The following RAB30 variants were observed in gnomAD, a reference collection of about 807,000 sequenced individuals.
The protein encoded by RAB30 is ras-related protein Rab-30.
Under a neutral mutation model 25.1 loss-of-function variants are expected in RAB30, and 9 were observed. That is an observed-to-expected ratio of 0.36 (90% CI 0.22 to 0.63). RAB30 has a LOEUF of 0.63. RAB30 is among the 20% of genes least tolerant of loss of function. RAB30 has a pLI of 0.69. For synonymous variants in RAB30, 77 were observed against 86.4 expected (o/e 0.89, Z 0.60); for missense variants, 140 against 243.5 (o/e 0.58, Z 2.83).
At chr11:83,063,249 T>C (rs1244139217) in intron 1 of RAB30, among the ~76,000 whole-genome samples, 2 of 152,082 alleles carry the variant, frequency 1.3e-5, no homozygotes, top group African/African-American at 2.4e-5. Flanking sequence ...TTCAGAAAAA[T>C]GAACACTCGG....
chr11:83,023,544 A>C (rs1447881125), intron 1 of RAB30, among the ~76,000 whole-genome samples: 1 of 151,996 alleles, frequency 6.6e-6, no homozygotes, highest in Non-Finnish European at 1.5e-5. Context: ...ACTTCATCCT[A>C]TCTCCCCTGC....
chr11:83,011,503 CTT>C (rs982164401), intron 1 of RAB30, among the ~76,000 whole-genome samples: 2 of 152,250 alleles, frequency 1.3e-5, no homozygotes, highest in Admixed American at 1.3e-4. Flanking sequence ...GTAGATGACT[CTT>C]AGGTCTATTT....
rs916607194 is a variant in RAB30, at chr11:82,976,783, A to T, written c.*5382T>A. The T allele has an allele frequency of 1.3e-5, 2 of 152,236 alleles. No homozygotes were observed. Among genetic ancestry groups the T allele is most frequent in the African/African-American group, 4.8e-5 (2 of 41,462 alleles). The allele number at this position is 152,236 out of a possible 1,614,324, so 9.4% of individuals were successfully genotyped here. ...GCCGTCTATCAGCCTTGCAAGGGTG[A>T]AAGTTATTTTGCAGGTGGAATAATT... On this transcript the variant is annotated 3_prime_UTR_variant, in exon 5 of 5. Coordinates refer to ENST00000527633, the MANE Select transcript of RAB30 (RefSeq NM_001286060.2).
rs200193596 is a variant in RAB30 at position 82,982,221 on chromosome 11, G to A, written c.556C>T (p.Pro186Ser). The change falls in exon 5 of 5, where the codon CCC (proline) becomes TCC (serine). Residue 186 changes from proline to serine, a missense_variant. Coordinates refer to ENST00000527633, the MANE Select transcript of RAB30 (RefSeq NM_001286060.2). ...QNTLVNNVSS[P>S]LPGEGKSISY... ...ATGCTTTTCCCTTCTCCAGGTAAGG[G>A]TGAGGATACATTGTTCACAAGTGTG... 17 of 1,614,112 alleles carry A rather than the reference G, an allele frequency of 1.1e-5. No homozygotes were observed. The African/African-American group carries it at 1.9e-4, about 18-fold the overall frequency.
At chr11:83,063,336 T>C (rs1421686456) in intron 1 of RAB30, among the ~76,000 whole-genome samples, 1 of 152,206 alleles carries the variant, frequency 6.6e-6, no homozygotes, top group Non-Finnish European at 1.5e-5. Context: ...ATGACTGAGA[T>C]GTAGAGGAAG....
chr11:83,048,612 A>C (rs1197720075), intron 1 of RAB30, among the ~76,000 whole-genome samples: 1 of 152,206 alleles, frequency 6.6e-6, no homozygotes, highest in African/African-American at 2.4e-5. Flanking sequence ...GAGGTAGGCA[A>C]ACATTGGCCC....
At chr11:83,050,764 T>C (rs1309548569) in intron 1 of RAB30, among the ~76,000 whole-genome samples, 3 of 152,322 alleles carry the variant, frequency 2.0e-5, no homozygotes, top group African/African-American at 7.2e-5. Context: ...GGAACCTCAT[T>C]TTCTTTTTCT....
chr11:83,026,905 A>G (rs1001717719), intron 1 of RAB30, among the ~76,000 whole-genome samples: 1 of 152,206 alleles, frequency 6.6e-6, no homozygotes, highest in Non-Finnish European at 1.5e-5. Flanking sequence ...TAATTGACTT[A>G]GCATACTCAG....
intron 1 of RAB30, among the ~76,000 whole-genome samples, chr11:83,028,773 T>G (rs189063466): frequency 1.3e-5 from 2 of 152,282 alleles, no homozygotes; most frequent in East Asian, 3.9e-4. Context: ...CCATGCACCG[T>G]TTTATAAGAA....
intron 1 of RAB30, among the ~76,000 whole-genome samples, chr11:83,009,657 AG>A (rs1193473668): frequency 6.6e-6 from 1 of 152,242 alleles, no homozygotes; most frequent in Non-Finnish European, 1.5e-5. Context: ...AAAAGACCAG[AG>A]AGGTCCAAAC....
chr11:83,005,101 T>G (rs1857158614), intron 1 of RAB30, among the ~76,000 whole-genome samples: 1 of 152,164 alleles, frequency 6.6e-6, no homozygotes, highest in African/African-American at 2.4e-5. Context: ...ACATTGCCCT[T>G]TATAGTTTAC....
At chr11:83,059,662 G>A (rs1317005968) in intron 1 of RAB30, among the ~76,000 whole-genome samples, 1 of 152,158 alleles carries the variant, frequency 6.6e-6, no homozygotes, top group African/African-American at 2.4e-5. Context: ...CTAGGTATAC[G>A]ACCCTGGGAA....
intron 1 of RAB30, among the ~76,000 whole-genome samples, chr11:83,062,722 C>A (rs925484129): frequency 6.6e-6 from 1 of 152,170 alleles, no homozygotes; most frequent in Admixed American, 6.5e-5. Flanking sequence ...GAGGCTCAGC[C>A]AGGCATGGTG....
intron 1 of RAB30, chr11:83,035,234 T>G (rs1857962029): frequency 6.6e-6 from 1 of 152,058 alleles, no homozygotes; most frequent in African/African-American, 2.4e-5. Context: ...CTAACAGCAT[T>G]CAGAAGGGAG....
intron 1 of RAB30, among the ~76,000 whole-genome samples, chr11:83,045,943 A>G (rs143113630): frequency 1.1e-3 from 168 of 152,316 alleles, no homozygotes; most frequent in African/African-American, 3.8e-3. Context: ...AAGTGATCCT[A>G]AAATCTCTTC....
At chr11:83,010,681 T>C (rs1362350306) in intron 1 of RAB30, among the ~76,000 whole-genome samples, 1 of 152,192 alleles carries the variant, frequency 6.6e-6, no homozygotes, top group Non-Finnish European at 1.5e-5. Flanking sequence ...GGCAGGGTCT[T>C]ACTTGGCACA....
chr11:83,011,372 C>T (rs903652253), intron 1 of RAB30, among the ~76,000 whole-genome samples: 6 of 152,126 alleles, frequency 3.9e-5, no homozygotes. Flanking sequence ...TAATATAAAT[C>T]TTGTACTATA....
At chr11:83,030,094 A>C (rs1857819323) in intron 1 of RAB30, among the ~76,000 whole-genome samples, 1 of 152,198 alleles carries the variant, frequency 6.6e-6, no homozygotes, top group Non-Finnish European at 1.5e-5. Context: ...TAGGGTGTAC[A>C]CTGTTTGGTT....
In RAB30 at chr11:82,980,547, T is replaced by A. The variant is rs1856619975; in HGVS notation, c.*1618A>T. 2.6e-5 allele frequency: 4 copies of A among 152,224 alleles called. No homozygotes were observed. The South Asian group carries it at 8.3e-4, about 31-fold the overall frequency. 9.4% of individuals were successfully genotyped at this position (152,224 alleles called of 1,614,324 possible). A position where few individuals can be genotyped will look rare whatever the true frequency, so the allele number is the denominator to read the frequency against. On this transcript the variant is annotated 3_prime_UTR_variant, in exon 5 of 5. Transcript: ENST00000527633. ...TCTACAGCAACAGTGGAATTACACA[T>A]CATATCCTTATTCCATTACTCATCC...
Sources: allele counts gnomAD v4.1 joint callset (sites outside exome capture counted in the v4.1 genomes callset), GRCh38; gene constraint gnomAD v4.1.1; transcripts MANE v1.5; gene names NCBI Gene and HGNC (gene_info 2026-07-23, HGNC 2026-07-21).